The following ADGRB2 variants were observed in gnomAD, a reference collection of about 807,000 sequenced individuals.
ADGRB2 encodes the protein adhesion G protein-coupled receptor B2, also known as brain-specific angiogenesis inhibitor 2.
A neutral mutation model predicts 178.7 loss-of-function variants in ADGRB2; 47 were observed. The observed-to-expected ratio is 0.26, with a 90% confidence interval of 0.21 to 0.34. ADGRB2 has a LOEUF of 0.34. Ranked by LOEUF, ADGRB2 falls within the 10% of genes least tolerant of loss-of-function variation. The probability of loss-of-function intolerance (pLI) is 1.00; values close to 1 mark genes in which losing one functional copy is unlikely to be tolerated. For missense variants in ADGRB2, 1,584 were observed against 2,180.8 expected (o/e 0.73, Z 5.45); for synonymous variants, 870 against 912.4 (o/e 0.95, Z 0.84).
At chr1:31,738,734 T>C in intron 16 of ADGRB2, 98 bp downstream of exon 16, 1 of 1,594,810 alleles carries the variant, frequency 6.3e-7, no homozygotes, top group Non-Finnish European at 8.6e-7. Flanking sequence ...AGGTCCAGGG[T>C]TCAGCCCACC....
Position 31,753,762 on chromosome 1 carries a change from GAACA to G in ADGRB2, c.838+2233_838+2236del, listed in dbSNP as rs1395135185. Among the ~76,000 whole-genome samples, 8 of 152,318 alleles carry G rather than the reference GAACA, an allele frequency of 5.3e-5. No individual in the cohort carries two copies. In the South Asian group the frequency reaches 8.3e-4, roughly 16 times the overall value. Reference sequence around the variant, plus strand: ...ACCCTCAGACATGCCCTGACATGTGGAACAAACAGTCATGTGCCCGCTATGTCTC... The same window carrying G: ...ACCCTCAGACATGCCCTGACATGTGGAACAGTCATGTGCCCGCTATGTCTC... On this transcript the variant is annotated intron_variant, in intron 4 of 32. Coordinates refer to ENST00000373658, the MANE Select transcript of ADGRB2 (RefSeq NM_001364857.2). This position sits in a 1 kb window ranked among gnomAD's most constrained non-coding sequence, Gnocchi z 4.1.
At position 31,727,270 on chromosome 1, in the gene ADGRB2, C is replaced by T. The variant is rs1202562069; in HGVS notation, c.*150G>A. On this transcript the variant is annotated 3_prime_UTR_variant, in exon 33 of 33. Coordinates refer to ENST00000373658, the MANE Select transcript of ADGRB2 (RefSeq NM_001364857.2). This position sits in a 1 kb window ranked among gnomAD's most constrained non-coding sequence, Gnocchi z 4.4. ...CTGGGACCCCAGGCCAAGCCATGTC[C>T]GGCTCCCCCAGCCTGGCTGAGTCCA... 9.2e-6 allele frequency: 9 copies of T among 977,662 alleles called. No homozygotes were observed. In the Admixed American group the frequency reaches 1.2e-4, roughly 13 times the overall value. 60.6% of individuals were successfully genotyped at this position (977,662 alleles called of 1,614,324 possible).
chr1:31,744,350 C>G lies in ADGRB2; in HGVS notation c.930G>C (p.Pro310=), dbSNP rs917630560. ...PGLYMAQTGD[P]AAEEWSPWSV... is the part of the protein sequence containing the mutation. ...TCCACGGGGACCACTCCTCAGCCGC[C>G]GGGTCGCCTACGAGAGAGGGACAGC... is the stretch of plus-strand genomic sequence containing the variant. Residue 310 remains proline, a synonymous_variant, in exon 6 of 33, where the codon CCG becomes CCC. Transcript: ENST00000373658. This position sits in a 1 kb window ranked among gnomAD's most constrained non-coding sequence, Gnocchi z 6.7. 10 of 1,550,396 alleles carry G rather than the reference C, an allele frequency of 6.4e-6. No individual in the cohort carries two copies. In the African/African-American group the frequency reaches 1.2e-4, roughly 19 times the overall value.
At position 31,731,319 on chromosome 1, in the gene ADGRB2, C is replaced by G; in HGVS notation, c.3861G>C (p.Val1287=). 6.2e-7 allele frequency: 1 copy of G among 1,612,746 alleles called. No individual in the cohort carries two copies. The highest frequency in any genetic ancestry group is 2.2e-5 in the East Asian group (1 of 44,864). Residue 1287 remains valine (V), a synonymous_variant, in exon 29 of 33, where the codon GTG becomes GTC. Coordinates refer to ENST00000373658, the MANE Select transcript of ADGRB2 (RefSeq NM_001364857.2). ...AGAAGCTGAGGCTGCCCTCAGGGCC[C>G]ACGAGGCAGGACTTGGGCTCCTCAT... ...DEDEEPKSCL[V]GPEGSLSFSP...
chr1:31,760,958 C>T (rs912698748), intron 1 of ADGRB2: 1 of 151,964 alleles, frequency 6.6e-6, no homozygotes, highest in Admixed American at 6.5e-5. Flanking sequence ...GGGGGTTCCT[C>T]CTTAAGGAGG....
chr1:31,744,110 A>G lies in ADGRB2; in HGVS notation c.1087+83T>C. ...GTTGAATGAAAGGAGGAGGCAACCA[A>G]CCATTTTGGAGATTAATCTGCCCAA... On this transcript the variant is annotated intron_variant, in intron 6 of 32. Coordinates refer to ENST00000373658, the MANE Select transcript of ADGRB2 (RefSeq NM_001364857.2). This position sits in a 1 kb window ranked among gnomAD's most constrained non-coding sequence, Gnocchi z 6.7. The G allele has an allele frequency of 7.0e-7, 1 of 1,433,276 alleles. No homozygotes were observed. Among genetic ancestry groups the G allele is most frequent in the Non-Finnish European group, 9.2e-7 (1 of 1,082,562 alleles). The allele number at this position is 1,433,276 out of a possible 1,614,324, so 88.8% of individuals were successfully genotyped here.
intron 4 of ADGRB2, among the ~76,000 whole-genome samples, chr1:31,751,174 G>A (rs941153430): frequency 6.6e-6 from 1 of 152,216 alleles, no homozygotes; most frequent in African/African-American, 2.4e-5. Context: ...TACCCCCGGC[G>A]TGGTTCACAC....
rs1236481240 is a variant in ADGRB2, at chr1:31,744,263, G to A, written c.1017C>T (p.Ser339=). ...GCCCGCTGCACAGGGTCCCATAGGG[G>A]GAGGACACACAGGAGCGGGTCCGCA... The part of the protein sequence containing the change: ...LQVRTRSCVS[S]PYGTLCSGPL... Residue 339 remains serine, a synonymous_variant, in exon 6 of 33, where the codon TCC becomes TCT. Transcript: ENST00000373658. This position sits in a 1 kb window ranked among gnomAD's most constrained non-coding sequence, Gnocchi z 6.7. 18 of 1,551,286 alleles carry A rather than the reference G, an allele frequency of 1.2e-5. No homozygotes were observed. In the South Asian group the frequency reaches 2.1e-4, roughly 18 times the overall value.
rs752012750 is a variant in ADGRB2 at position 31,756,300 on chromosome 1, G to A, written c.537C>T (p.Ala179=). Residue 179 remains alanine, a synonymous_variant, in exon 4 of 33, where the codon GCC becomes GCT. Transcript: ENST00000373658. This position sits in a 1 kb window ranked among gnomAD's most constrained non-coding sequence, Gnocchi z 8.5. Reference sequence around the variant, plus strand: ...TGAGCAAGACCTCGACAAAGCGGAAGGCTAGGGCAGCGGGCGCCAGCAGGC... The same window carrying A: ...TGAGCAAGACCTCGACAAAGCGGAAAGCTAGGGCAGCGGGCGCCAGCAGGC... ...APRLLAPAAL[A]FRFVEVLLIN... 1.9e-6 allele frequency: 3 copies of A among 1,613,042 alleles called. No individual in the cohort carries two copies. The highest frequency in any genetic ancestry group is 2.5e-6 in the Non-Finnish European group (3 of 1,179,958).
rs1646883117 is a variant in ADGRB2, at chr1:31,757,191, C to T, written c.21+10G>A. 5 of 1,614,050 alleles carry T rather than the reference C, an allele frequency of 3.1e-6. No homozygotes were observed. Among genetic ancestry groups the T allele is most frequent in the Non-Finnish European group, 4.2e-6 (5 of 1,180,018 alleles). On this transcript the variant is annotated intron_variant, in intron 3 of 32. Transcript: ENST00000373658. ...ATTCGCCTTGCATTCAGATCCAGCC[C>T]CAGCCTCACCATCCAACCTGTATTC...
intron 4 of ADGRB2, among the ~76,000 whole-genome samples, chr1:31,749,250 A>G (rs996925452): frequency 6.6e-6 from 1 of 150,840 alleles, no homozygotes; most frequent in Non-Finnish European, 1.5e-5. Flanking sequence ...CAACCACACC[A>G]CTCCCCAGCT....
In ADGRB2 at chr1:31,741,936, C is replaced by T. The variant is rs201179366; in HGVS notation, c.1449G>A (p.Ala483=). Residue 483 remains alanine (A), a synonymous_variant, in exon 9 of 33, where the codon GCG becomes GCA. Coordinates refer to ENST00000373658, the MANE Select transcript of ADGRB2 (RefSeq NM_001364857.2). This position sits in a 1 kb window ranked among gnomAD's most constrained non-coding sequence, Gnocchi z 6.5. ...ATDSKWGPWN[A]WSLCSKTCDT... ...CACACGTCTTAGAGCACAGGCTCCACGCATTCCATGGCCCCCACTTGCTAT... is the reference window on the plus strand; with the variant it reads ...CACACGTCTTAGAGCACAGGCTCCATGCATTCCATGGCCCCCACTTGCTAT... 52 of 1,601,118 alleles carry T rather than the reference C, an allele frequency of 3.2e-5. No individual in the cohort carries two copies. The highest frequency in any genetic ancestry group is 1.7e-4 in the Middle Eastern group (1 of 6,016).
chr1:31,737,767 G>T lies in ADGRB2; in HGVS notation c.2773-12C>A. 2 of 1,612,280 alleles carry T rather than the reference G, an allele frequency of 1.2e-6. No homozygotes were observed. The highest frequency in any genetic ancestry group is 1.7e-6 in the Non-Finnish European group (2 of 1,179,238). The stretch of plus-strand genomic sequence containing the variant: ...GCCAGCTCCAGGGTCTGGGGAAGAT[G>T]GGCAGACAGTCAGATGGGTTCCTGG... On this transcript the variant is annotated splice_polypyrimidine_tract_variant and intron_variant, in intron 18 of 32. Transcript: ENST00000373658.
intron 4 of ADGRB2, among the ~76,000 whole-genome samples, chr1:31,747,250 G>A (rs919643326): frequency 6.6e-6 from 1 of 151,998 alleles, no homozygotes; most frequent in East Asian, 1.9e-4. Flanking sequence ...TCCCATATCA[G>A]GAGTCCATGC....
rs534165338 is a variant in ADGRB2, at chr1:31,758,332, C to T, written c.-190-821G>A. Among the ~76,000 whole-genome samples, 2 of 152,350 alleles carry T rather than the reference C, an allele frequency of 1.3e-5. No homozygotes were observed. Among genetic ancestry groups the T allele is most frequent in the South Asian group, 4.1e-4 (2 of 4,828 alleles). On this transcript the variant is annotated intron_variant, in intron 1 of 32. Transcript: ENST00000373658. The surrounding 1 kb of genome is among the most constrained non-coding windows in gnomAD (Gnocchi z 4.2). ...CCCAGCCCAGGCCTGTCTCCCTCCA[C>T]CAGTAGCCTCTGCTCCTTCCCTAGG...
At chr1:31,729,859 C>A (rs1215902896) in intron 29 of ADGRB2, among the ~76,000 whole-genome samples, 1 of 152,242 alleles carries the variant, frequency 6.6e-6, no homozygotes, top group Non-Finnish European at 1.5e-5. Context: ...GTCTTTGTTA[C>A]GCCTTCCTGT....
At chr1:31,748,342 A>G (rs1257025952) in intron 4 of ADGRB2, among the ~76,000 whole-genome samples, 3 of 152,150 alleles carry the variant, frequency 2.0e-5, no homozygotes, top group Non-Finnish European at 2.9e-5. Flanking sequence ...CAGGCCCTAC[A>G]CTGCCTGCCT....
chr1:31,737,249 C>A (rs1014558333), intron 20 of ADGRB2, among the ~76,000 whole-genome samples, 180 bp downstream of exon 20: 2 of 152,278 alleles, frequency 1.3e-5, no homozygotes, highest in East Asian at 1.9e-4. Context: ...TGAGTACACA[C>A]CCCCTCTCCA....
chr1:31,762,945 C>G (rs1030139580), intron 1 of ADGRB2, among the ~76,000 whole-genome samples: 2 of 152,232 alleles, frequency 1.3e-5, no homozygotes, highest in African/African-American at 4.8e-5. Flanking sequence ...CTGCACGGGC[C>G]GCGGCGCGGA....
Sources: allele counts gnomAD v4.1 joint callset (sites outside exome capture counted in the v4.1 genomes callset), GRCh38; gene constraint gnomAD v4.1.1; non-coding constraint Gnocchi (gnomAD v3.1); transcripts MANE v1.5; gene names NCBI Gene and HGNC (gene_info 2026-07-23, HGNC 2026-07-21).